ABCD3: variants seen among roughly 807,000 people sequenced by gnomAD.
ABCD3 encodes ATP binding cassette subfamily D member 3.
ABCD3 carries 41 observed loss-of-function variants against 105.5 expected under a neutral mutation model. That is an observed-to-expected ratio of 0.39 (90% CI 0.30 to 0.50). The LOEUF is 0.50. Among genes scored for constraint, ABCD3 ranks in the 20% least tolerant of loss-of-function variants. ABCD3 has a pLI of 0.84. For synonymous variants in ABCD3, 258 were observed against 269.0 expected, an observed-to-expected ratio of 0.96 and a Z score of 0.40; for missense variants, 622 against 806.3, an observed-to-expected ratio of 0.77 and a Z score of 2.77.
the ABCD3 span, among the ~76,000 whole-genome samples, chr1:94,406,167 T>TAA: frequency 2.7e-5 from 4 of 146,246 alleles, no homozygotes; most frequent in African/African-American, 5.0e-5. Flanking sequence ...CACCATTTAT[T>TAA]AAAAAAAAAA....
At chr1:94,478,642 G>A in intron 8 of ABCD3, 2 of 1,027,192 alleles carry the variant, frequency 1.9e-6, no homozygotes, top group Non-Finnish European at 2.8e-6. Flanking sequence ...CTTGAATCCA[G>A]GAGTTCGAGA....
At position 94,506,426 on chromosome 1, in the gene ABCD3, T is replaced by G. The variant is rs866442426; in HGVS notation, c.1741-112T>G. 1.3e-5 allele frequency: 9 copies of G among 679,990 alleles called. No homozygotes were observed. The Middle Eastern group carries it at 2.0e-3, about 148-fold the overall frequency. The allele number at this position is 679,990 out of a possible 1,614,324, so 42.1% of individuals were successfully genotyped here. The stretch of plus-strand genomic sequence containing the variant: ...GTAGATTTTTTGAATTAGAATAATT[T>G]TTATACTTTTGATTTACAAGACTAC... On this transcript the variant is annotated intron_variant, in intron 20 of 22. Transcript: ENST00000370214.
intron 16 of ABCD3, among the ~76,000 whole-genome samples, chr1:94,496,144 T>G (rs1345472298): frequency 6.6e-6 from 1 of 152,188 alleles, no homozygotes; most frequent in Admixed American, 6.5e-5. Flanking sequence ...TTTAGTGGCA[T>G]TAAGTACATT....
In ABCD3 at chr1:94,517,413, T is replaced by C. The variant is rs542541569; in HGVS notation, c.*284T>C. On this transcript the variant is annotated 3_prime_UTR_variant, in exon 23 of 23. Coordinates refer to ENST00000370214, the MANE Select transcript of ABCD3 (RefSeq NM_002858.4). ...CTAAATTAAATTGGGCTTCAATCAC[T>C]GTAACCTGATTCATCCTGGGATGTA... The C allele has an allele frequency of 2.7e-6, 1 of 365,124 alleles. No individual in the cohort carries two copies. Among genetic ancestry groups the C allele is most frequent in the Non-Finnish European group, 5.2e-6 (1 of 191,990 alleles). 22.6% of individuals were successfully genotyped at this position (365,124 alleles called of 1,614,324 possible). A position where few individuals can be genotyped will look rare whatever the true frequency, so the allele number is the denominator to read the frequency against.
chr1:94,400,986 C>A, the ABCD3 span, among the ~76,000 whole-genome samples: 1 of 152,124 alleles, frequency 6.6e-6, no homozygotes, highest in Admixed American at 6.5e-5. Flanking sequence ...GTGGCTAGCA[C>A]GTGAGTATGC....
chr1:94,428,924 A>G (rs1659572606), intron 1 of ABCD3, among the ~76,000 whole-genome samples: 1 of 152,162 alleles, frequency 6.6e-6, no homozygotes, highest in East Asian at 1.9e-4. Flanking sequence ...GGTTGGAACA[A>G]TTTGGATGGC....
At chr1:94,409,634 A>G in the ABCD3 span, among the ~76,000 whole-genome samples, 2 of 152,080 alleles carry the variant, frequency 1.3e-5, no homozygotes, top group Non-Finnish European at 2.9e-5. Context: ...AATAATAAAG[A>G]CTCCATTGGC....
chr1:94,472,265 C>T (rs559502593), intron 4 of ABCD3: 118 of 965,596 alleles, frequency 1.2e-4, no homozygotes, highest in Admixed American at 6.8e-4. Context: ...TGAATGATGG[C>T]ATGTTCTTGT....
chr1:94,442,601 A>G (rs1160834147), intron 1 of ABCD3, among the ~76,000 whole-genome samples: 1 of 152,070 alleles, frequency 6.6e-6, no homozygotes, highest in Non-Finnish European at 1.5e-5. Context: ...CCAATAGGTA[A>G]TTTTGCAACC....
intron 1 of ABCD3, among the ~76,000 whole-genome samples, chr1:94,457,575 T>TC (rs1399704019): frequency 1.3e-5 from 2 of 151,952 alleles, no homozygotes; most frequent in African/African-American, 4.8e-5. Flanking sequence ...CCCGCCTTTG[T>TC]CCCCCACCTT....
intron 1 of ABCD3, among the ~76,000 whole-genome samples, chr1:94,443,984 G>A (rs1660235148): frequency 6.6e-6 from 1 of 152,058 alleles, no homozygotes; most frequent in Admixed American, 6.5e-5. Context: ...TAAACTTTTA[G>A]TGTAGTTTTC....
intron 1 of ABCD3, among the ~76,000 whole-genome samples, chr1:94,441,336 A>C (rs1419002371): frequency 1.3e-5 from 2 of 152,228 alleles, no homozygotes; most frequent in African/African-American, 2.4e-5. Context: ...TTTGGCAAAA[A>C]CTTAAAAATG....
At chr1:94,425,308 A>G (rs929975594) in intron 1 of ABCD3, among the ~76,000 whole-genome samples, 3 of 152,050 alleles carry the variant, frequency 2.0e-5, no homozygotes, top group Non-Finnish European at 4.4e-5. Flanking sequence ...TATAACGTAC[A>G]TGTTTTGTTA....
intron 1 of ABCD3, among the ~76,000 whole-genome samples, chr1:94,457,631 A>G (rs1647642844): frequency 6.6e-6 from 1 of 152,132 alleles, no homozygotes; most frequent in Non-Finnish European, 1.5e-5. Context: ...CTCATGTCAC[A>G]GACTTCCTGG....
intron 1 of ABCD3, among the ~76,000 whole-genome samples, chr1:94,421,620 A>C (rs1452464732): frequency 1.3e-5 from 2 of 151,160 alleles, no homozygotes; most frequent in South Asian, 4.2e-4. Flanking sequence ...TTGTTTTCTC[A>C]GGGAGCTTAC....
At chr1:94,455,893 C>A (rs904446893) in intron 1 of ABCD3, 9 of 1,183,238 alleles carry the variant, frequency 7.6e-6, no homozygotes, top group Non-Finnish European at 9.7e-6. Flanking sequence ...CAATTTATAA[C>A]ATTTATTAGT....
intron 16 of ABCD3, among the ~76,000 whole-genome samples, chr1:94,496,696 T>G (rs1274478421): frequency 6.4e-4 from 13 of 20,406 alleles, no homozygotes; most frequent in African/African-American, 2.2e-3. Context: ...TTGTTTCTGT[T>G]TTTTTTTTTT....
At chr1:94,455,389 G>A (rs1192153080) in intron 1 of ABCD3, among the ~76,000 whole-genome samples, 3 of 150,322 alleles carry the variant, frequency 2.0e-5, no homozygotes, top group Non-Finnish European at 3.0e-5. Flanking sequence ...GCGATGGCAC[G>A]ATCTTGGCTC....
chr1:94,484,707 G>A (rs953636925), intron 10 of ABCD3, among the ~76,000 whole-genome samples: 14 of 152,084 alleles, frequency 9.2e-5, no homozygotes, highest in African/African-American at 3.4e-4. Flanking sequence ...AATGAGTGCA[G>A]CACACCAACA....
Sources: allele counts gnomAD v4.1 joint callset (sites outside exome capture counted in the v4.1 genomes callset), GRCh38; gene constraint gnomAD v4.1.1; transcripts MANE v1.5; gene names NCBI Gene and HGNC (gene_info 2026-07-23, HGNC 2026-07-21).